Variants in SH3PXD2B observed in about 807,000 individuals in gnomAD.
SH3PXD2B encodes the protein SH3 and PX domain-containing protein 2B.
A neutral mutation model predicts 73.1 loss-of-function variants in SH3PXD2B; 37 were observed. The ratio of observed to expected loss-of-function variants is 0.51; its 90% confidence interval spans 0.39 to 0.67. The LOEUF (loss-of-function observed/expected upper bound fraction) is 0.67. Among genes scored for constraint, SH3PXD2B ranks in the 30% least tolerant of loss-of-function variants. SH3PXD2B has a pLI of 0.00. For synonymous variants in SH3PXD2B, 457 were observed against 480.5 expected (o/e 0.95, Z 0.64); for missense variants, 1,053 against 1,197.8 (o/e 0.88, Z 1.78).
chr5:172,356,145 TG>T (rs1354133542), intron 8 of SH3PXD2B, among the ~76,000 whole-genome samples: 1 of 151,954 alleles, frequency 6.6e-6, no homozygotes, highest in African/African-American at 2.4e-5. Flanking sequence ...CTGGGTCAGC[TG>T]GAAACAATCC....
chr5:172,340,814 C>T (rs961550846), intron 12 of SH3PXD2B, among the ~76,000 whole-genome samples: 3 of 152,186 alleles, frequency 2.0e-5, no homozygotes, highest in Non-Finnish European at 4.4e-5. Flanking sequence ...AGGCTGATCT[C>T]GAACTCCTGG....
Position 172,434,726 on chromosome 5 carries a change from G to A in SH3PXD2B, c.76-12230C>T, listed in dbSNP as rs992370704. ...ATTAATTACAAGGGCTGGGGCTGCC[G>A]CACTGGTCCCATGACAAAGTTATTA... On this transcript the variant is annotated intron_variant, in intron 1 of 12. Transcript: ENST00000311601. Among the ~76,000 whole-genome samples, 15 of 151,784 alleles carry A rather than the reference G, an allele frequency of 9.9e-5. No individual in the cohort carries two copies. The East Asian group carries it at 1.7e-3, about 18-fold the overall frequency.
Position 172,404,037 on chromosome 5 carries a change from C to T in SH3PXD2B, c.232+2240G>A, listed in dbSNP as rs576972058. On this transcript the variant is annotated intron_variant, in intron 3 of 12. Transcript: ENST00000311601. ...ACATTTGGCTGCCGCAGCTGGCCAG[C>T]GGGGTTTTCTCCAGCAGGAAAGAAA... Among the ~76,000 whole-genome samples the T allele has an allele frequency of 1.4e-4, 22 of 152,318 alleles. No individual in the cohort carries two copies. The South Asian group carries it at 1.5e-3, about 10-fold the overall frequency.
At chr5:172,326,483 G>A (rs1756449534) in intron 12 of SH3PXD2B, among the ~76,000 whole-genome samples, 1 of 152,160 alleles carries the variant, frequency 6.6e-6, no homozygotes, top group Non-Finnish European at 1.5e-5. Context: ...AGGGAGATTT[G>A]GAGGATATTC....
intron 12 of SH3PXD2B, among the ~76,000 whole-genome samples, chr5:172,327,504 T>C (rs1208798665): frequency 1.3e-5 from 2 of 152,192 alleles, no homozygotes; most frequent in African/African-American, 4.8e-5. Flanking sequence ...TTTTTTAGCA[T>C]ATCCTTCAGG....
At chr5:172,423,245 C>T (rs1053298327) in intron 1 of SH3PXD2B, among the ~76,000 whole-genome samples, 1 of 152,150 alleles carries the variant, frequency 6.6e-6, no homozygotes, top group Non-Finnish European at 1.5e-5. Context: ...CAGGTAGACA[C>T]CTAAGGGCTA....
At position 172,338,617 on chromosome 5, in the gene SH3PXD2B, C is replaced by T. The variant is rs763401726; in HGVS notation, c.2488G>A (p.Gly830Ser). Reference protein sequence around the residue: ...GKGSLGPWGTGKIGENREKAA... With the variant: ...GKGSLGPWGTSKIGENREKAA... ...TTCTCCCTGTTTTCTCCAATCTTGCCGGTCCCCCATGGCCCCAGGCTGCCT... is the reference window on the plus strand; with the variant it reads ...TTCTCCCTGTTTTCTCCAATCTTGCTGGTCCCCCATGGCCCCAGGCTGCCT... Residue 830 changes from glycine (G) to serine (S), a missense_variant, in exon 13 of 13, where the codon GGC becomes AGC. By Grantham distance (56) the Gly-to-Ser change is moderately conservative. Coordinates refer to ENST00000311601, the MANE Select transcript of SH3PXD2B (RefSeq NM_001017995.3). The surrounding 1 kb of genome is among the most constrained non-coding windows in gnomAD (Gnocchi z 5.1). 16 of 1,614,020 alleles carry T rather than the reference C, an allele frequency of 9.9e-6. No individual in the cohort carries two copies. Among genetic ancestry groups the T allele is most frequent in the Admixed American group, 3.3e-5 (2 of 59,990 alleles).
rs140811987 is a variant in SH3PXD2B at position 172,365,552 on chromosome 5, C to T, written c.428-2683G>A. Among the ~76,000 whole-genome samples, 1,093 of 152,294 alleles carry T rather than the reference C, an allele frequency of 7.2e-3. 4 individuals are homozygous for T. The highest frequency in any genetic ancestry group is 0.013 in the Non-Finnish European group (860 of 68,026). On this transcript the variant is annotated intron_variant, in intron 6 of 12. Coordinates refer to ENST00000311601, the MANE Select transcript of SH3PXD2B (RefSeq NM_001017995.3). ...CATCTCTGGGTGTCTCAAGGCTTGT[C>T]TGCTATTTCCAGCCCTCTCCTCATC...
intron 1 of SH3PXD2B, among the ~76,000 whole-genome samples, chr5:172,453,864 C>A (rs948309942): frequency 5.9e-5 from 9 of 152,272 alleles, no homozygotes; most frequent in Middle Eastern, 3.4e-3. Flanking sequence ...GGTCTGCGCG[C>A]CTCTGGACAA....
At chr5:172,379,313 T>TAAAAA (rs11346663) in intron 5 of SH3PXD2B, among the ~76,000 whole-genome samples, 3 of 112,846 alleles carry the variant, frequency 2.7e-5, no homozygotes, top group Non-Finnish European at 3.8e-5. Flanking sequence ...TACAAAAAAT[T>TAAAAA]AAAAAAAAAA....
At chr5:172,344,629 T>TACATGTGTA (rs967300942) in intron 12 of SH3PXD2B, among the ~76,000 whole-genome samples, 8 of 119,816 alleles carry the variant, frequency 6.7e-5, no homozygotes, top group Non-Finnish European at 1.4e-4. Context: ...AGGCACTCAA[T>TACATGTGTA]ACATGTGTAT....
chr5:172,381,030 C>T (rs879464014), intron 5 of SH3PXD2B, among the ~76,000 whole-genome samples: 9 of 152,258 alleles, frequency 5.9e-5, no homozygotes, highest in Non-Finnish European at 8.8e-5. Flanking sequence ...GCTTTCTCCT[C>T]ACAAGTCTAT....
At chr5:172,344,313 T>C (rs1047989517) in intron 12 of SH3PXD2B, among the ~76,000 whole-genome samples, 1 of 152,072 alleles carries the variant, frequency 6.6e-6, no homozygotes, top group African/African-American at 2.4e-5. Context: ...TCTAGCCAGG[T>C]GCAGTGGCTC....
At chr5:172,417,929 G>A (rs140431036) in intron 2 of SH3PXD2B, among the ~76,000 whole-genome samples, 151 of 152,304 alleles carry the variant, frequency 9.9e-4, no homozygotes, top group African/African-American at 3.5e-3. Flanking sequence ...AAGGTACCCA[G>A]TACCCATTAG....
intron 1 of SH3PXD2B, among the ~76,000 whole-genome samples, chr5:172,430,933 C>G (rs567080714): frequency 4.4e-4 from 67 of 151,970 alleles, no homozygotes; most frequent in Middle Eastern, 3.4e-3. Context: ...GTGGTGCGAT[C>G]TCGGCTCAAC....
intron 1 of SH3PXD2B, among the ~76,000 whole-genome samples, chr5:172,449,029 G>A (rs190956599): frequency 3.9e-5 from 6 of 152,312 alleles, no homozygotes; most frequent in Non-Finnish European, 5.9e-5. Context: ...TACTAAGGGC[G>A]CAATCTACTC....
At chr5:172,446,447 C>A (rs915475627) in intron 1 of SH3PXD2B, among the ~76,000 whole-genome samples, 1 of 152,188 alleles carries the variant, frequency 6.6e-6, no homozygotes, top group Non-Finnish European at 1.5e-5. Flanking sequence ...CTGGCTTCAT[C>A]GCCAAGAGGA....
At chr5:172,355,497 CTCCTGGGG>C (rs1342170136) in intron 8 of SH3PXD2B, among the ~76,000 whole-genome samples, 2 of 151,864 alleles carry the variant, frequency 1.3e-5, no homozygotes, top group Non-Finnish European at 2.9e-5. Flanking sequence ...TGAGCCTGGA[CTCCTGGGG>C]TCCTGCATCC....
intron 6 of SH3PXD2B, among the ~76,000 whole-genome samples, chr5:172,368,906 A>ATTTT (rs1330854201): frequency 1.5e-5 from 2 of 136,858 alleles, no homozygotes; most frequent in Admixed American, 8.0e-5. Context: ...ATATATATAT[A>ATTTT]TTTTTGAGAC....
Sources: allele counts gnomAD v4.1 joint callset (sites outside exome capture counted in the v4.1 genomes callset), GRCh38; gene constraint gnomAD v4.1.1; non-coding constraint Gnocchi (gnomAD v3.1); transcripts MANE v1.5; gene names NCBI Gene and HGNC (gene_info 2026-07-23, HGNC 2026-07-21).